Variants in SLC1A7 observed in about 807,000 individuals in gnomAD.
SLC1A7 encodes solute carrier family 1 member 7.
A neutral mutation model predicts 47.7 loss-of-function variants in SLC1A7; 40 were observed. That is an observed-to-expected ratio of 0.84 (90% CI 0.65 to 1.09). The LOEUF is 1.09. Among genes scored for constraint, SLC1A7 ranks in the 50% least tolerant of loss-of-function variants. The probability of loss-of-function intolerance (pLI) is 0.00; values close to 1 mark genes in which losing one functional copy is unlikely to be tolerated. For synonymous variants in SLC1A7, 323 were observed against 325.6 expected (o/e 0.99, Z 0.09); for missense variants, 746 against 769.5 (o/e 0.97, Z 0.36).
Position 53,092,799 on chromosome 1 carries a change from G to A in SLC1A7, c.798-12C>T. On this transcript the variant is annotated splice_polypyrimidine_tract_variant and intron_variant, in intron 6 of 10. Coordinates refer to ENST00000371494, the MANE Select transcript of SLC1A7 (RefSeq NM_006671.6). ...CGAAGGGGAAATACCTGGGGGCGGC[G>A]GGGCAGCCAGGCTCAGGAACCAGGC... The A allele has an allele frequency of 1.9e-6, 3 of 1,568,200 alleles. No homozygotes were observed. Among genetic ancestry groups the A allele is most frequent in the Non-Finnish European group, 2.6e-6 (3 of 1,139,096 alleles).
intron 5 of SLC1A7, among the ~76,000 whole-genome samples, chr1:53,097,402 CACA>C (rs1384106340): frequency 8.1e-6 from 1 of 122,862 alleles, no homozygotes; most frequent in Non-Finnish European, 1.9e-5. Context: ...GGAACACTCA[CACA>C]ACCCACCTTG....
At chr1:53,111,452 G>T (rs907190092) in intron 3 of SLC1A7, among the ~76,000 whole-genome samples, 2 of 152,230 alleles carry the variant, frequency 1.3e-5, no homozygotes, top group Admixed American at 6.5e-5. Context: ...TGGCTGCAGT[G>T]CTGAGAACAG....
chr1:53,101,332 C>T (rs868090863), intron 5 of SLC1A7, among the ~76,000 whole-genome samples: 1 of 98,824 alleles, frequency 1.0e-5, no homozygotes, highest in African/African-American at 3.8e-5. Flanking sequence ...ACTCACACAC[C>T]CCTCCTCGGT....
At chr1:53,136,539 T>TATATAATATATATAAAC (rs1557693214) in intron 1 of SLC1A7, among the ~76,000 whole-genome samples, 3,272 of 50,754 alleles carry the variant, frequency 0.064, 209 homozygotes, top group Middle Eastern at 0.11. Flanking sequence ...TATATAAACA[T>TATATAATATATATAAAC]ATATATAATA....
In SLC1A7 at chr1:53,123,816, G is replaced by A. The variant is rs562462494; in HGVS notation, c.216-8843C>T. On this transcript the variant is annotated intron_variant, in intron 2 of 10. Transcript: ENST00000371494. Reference sequence around the variant, plus strand: ...CACAGCGGGCCACGTTTCCCCTCTTGATGAGTAAGGCAAATCATCTGACTG... The same window carrying A: ...CACAGCGGGCCACGTTTCCCCTCTTAATGAGTAAGGCAAATCATCTGACTG... Among the ~76,000 whole-genome samples the A allele has an allele frequency of 2.5e-4, 38 of 152,370 alleles. No homozygotes were observed. In the East Asian group the frequency reaches 6.8e-3, roughly 27 times the overall value.
chr1:53,121,940 G>T (rs3820202), intron 2 of SLC1A7, among the ~76,000 whole-genome samples: 21,957 of 151,868 alleles, frequency 0.14, 1,749 homozygotes, highest in Middle Eastern at 0.18. Flanking sequence ...GACGGGGCGG[G>T]GTGTGTGTGT....
chr1:53,130,161 A>AT (rs1644928039), intron 2 of SLC1A7, among the ~76,000 whole-genome samples: 1 of 152,214 alleles, frequency 6.6e-6, no homozygotes, highest in African/African-American at 2.4e-5. Flanking sequence ...ATCATCATCC[A>AT]TTTTACCAAC....
chr1:53,099,382 T>C (rs58924052), intron 5 of SLC1A7, among the ~76,000 whole-genome samples: 3,997 of 124,464 alleles, frequency 0.032, 224 homozygotes, highest in East Asian at 0.088. Context: ...ACACATACCC[T>C]GCCTTGATAG....
At chr1:53,142,285 A>G (rs28570358) in intron 1 of SLC1A7, 30 bp downstream of exon 1, 1 of 1,548,396 alleles carries the variant, frequency 6.5e-7, no homozygotes, top group South Asian at 1.2e-5. Flanking sequence ...CCTCCTGGAC[A>G]GGGGTCCCGA....
intron 5 of SLC1A7, among the ~76,000 whole-genome samples, chr1:53,101,225 CACAT>C (rs1432395318): frequency 2.1e-5 from 3 of 144,346 alleles, no homozygotes; most frequent in East Asian, 2.1e-4. Flanking sequence ...TTGGTACACT[CACAT>C]ACCCACACGC....
chr1:53,099,874 G>A (rs373758768), intron 5 of SLC1A7, among the ~76,000 whole-genome samples: 49 of 133,398 alleles, frequency 3.7e-4, no homozygotes, highest in African/African-American at 1.0e-3. Flanking sequence ...TGGTACACTC[G>A]CATTGCCTTG....
chr1:53,113,584 C>A (rs560721838), intron 3 of SLC1A7, among the ~76,000 whole-genome samples: 3 of 152,214 alleles, frequency 2.0e-5, no homozygotes, highest in African/African-American at 7.2e-5. Flanking sequence ...GCCATCTGCC[C>A]CCTTCCCCAT....
intron 2 of SLC1A7, among the ~76,000 whole-genome samples, chr1:53,126,430 G>A (rs188346507): frequency 1.7e-3 from 264 of 152,304 alleles, no homozygotes; most frequent in African/African-American, 5.7e-3. Context: ...GGTGGTGGGA[G>A]GGCTGAAATA....
intron 4 of SLC1A7, among the ~76,000 whole-genome samples, chr1:53,104,968 C>T (rs1254610184): frequency 6.6e-6 from 1 of 152,218 alleles, no homozygotes; most frequent in Non-Finnish European, 1.5e-5. Context: ...AAATAAATTA[C>T]AGCGCAGCCT....
intron 5 of SLC1A7, chr1:53,103,077 A>C: frequency 2.7e-6 from 1 of 365,694 alleles, no homozygotes; most frequent in South Asian, 6.2e-5. Flanking sequence ...AGAGGAGGGC[A>C]GCAAAGGGAA....
intron 2 of SLC1A7, among the ~76,000 whole-genome samples, chr1:53,123,237 C>G (rs947173188): frequency 6.6e-6 from 1 of 152,194 alleles, no homozygotes; most frequent in African/African-American, 2.4e-5. Flanking sequence ...CCCTTCCTTG[C>G]CCATGTGGCA....
intron 2 of SLC1A7, among the ~76,000 whole-genome samples, chr1:53,118,003 G>A (rs766139884): frequency 7.2e-5 from 11 of 152,280 alleles, no homozygotes; most frequent in Admixed American, 2.0e-4. Flanking sequence ...AACTGCTGGT[G>A]ACAGCTGGCA....
intron 3 of SLC1A7, among the ~76,000 whole-genome samples, chr1:53,109,741 C>T (rs540791368): frequency 6.6e-6 from 1 of 152,312 alleles, no homozygotes; most frequent in Admixed American, 6.5e-5. Flanking sequence ...GTCCCCATCT[C>T]CTTCACAGCC....
In SLC1A7 at chr1:53,103,434, G is replaced by A. The variant is rs1047684882; in HGVS notation, c.609C>T (p.Thr203=). ...ACTTGTAAACGACCTCGGGCGGCGGGGTCAGGTCCAGGGCGAAGTTCTGCA... is the reference window on the plus strand; with the variant it reads ...ACTTGTAAACGACCTCGGGCGGCGGAGTCAGGTCCAGGGCGAAGTTCTGCA... The part of the protein sequence containing the change: ...SHVQNFALDL[T]PPPEVVYKSE... Residue 203 remains threonine, a synonymous_variant, in exon 5 of 11, where the codon ACC becomes ACT. Transcript: ENST00000371494. 20 of 1,612,356 alleles carry A rather than the reference G, an allele frequency of 1.2e-5. No individual in the cohort carries two copies. Among genetic ancestry groups the A allele is most frequent in the Non-Finnish European group, 1.6e-5 (19 of 1,179,592 alleles).
Sources: gnomAD v4.1 joint callset for allele counts (sites outside exome capture counted in the v4.1 genomes callset) on GRCh38, gnomAD v4.1.1 for gene constraint, MANE v1.5 for transcripts, NCBI Gene and HGNC (gene_info 2026-07-23, HGNC 2026-07-21) for gene names.